Variants in TXNRD1 observed in about 807,000 individuals in gnomAD.
TXNRD1 encodes thioredoxin reductase 1, cytoplasmic.
TXNRD1 carries 57 observed loss-of-function variants against 80.3 expected under a neutral mutation model. That is an observed-to-expected ratio of 0.71 (90% confidence interval 0.57 to 0.89). The LOEUF (loss-of-function observed/expected upper bound fraction) is 0.89. TXNRD1 is among the 40% of genes least tolerant of loss of function. The probability of loss-of-function intolerance (pLI) is 0.00; values close to 1 mark genes in which losing one functional copy is unlikely to be tolerated. For synonymous variants in TXNRD1, 291 were observed against 285.2 expected (o/e 1.02, Z -0.20); for missense variants, 730 against 803.0 (o/e 0.91, Z 1.10).
chr12:104,288,590 T>C (rs1298472569), intron 3 of TXNRD1: 1 of 376,954 alleles, frequency 2.7e-6, no homozygotes, highest in East Asian at 7.0e-5. Flanking sequence ...AGCTTCTTTT[T>C]TGAAGCTTTT....
At chr12:104,246,549 A>C (rs1290810562) in intron 1 of TXNRD1, among the ~76,000 whole-genome samples, 1 of 143,430 alleles carries the variant, frequency 7.0e-6, no homozygotes, top group African/African-American at 2.6e-5. Flanking sequence ...TTTGAGATGC[A>C]GTCTCGCTCT....
intron 14 of TXNRD1, among the ~76,000 whole-genome samples, chr12:104,333,974 C>G (rs2036048182): frequency 6.6e-6 from 1 of 152,006 alleles, no homozygotes; most frequent in South Asian, 2.1e-4. Context: ...CTGTCATTCC[C>G]TTGCTCTTTT....
chr12:104,320,958 G>A (rs1161875647), intron 9 of TXNRD1, 133 bp from the exon 10 acceptor site: 2 of 680,656 alleles, frequency 2.9e-6, no homozygotes, highest in Admixed American at 2.8e-5. Context: ...TGTATTATGT[G>A]TGTAGCTAGT....
At chr12:104,238,546 G>A (rs374215222) in intron 1 of TXNRD1, among the ~76,000 whole-genome samples, 7 of 152,244 alleles carry the variant, frequency 4.6e-5, no homozygotes, top group African/African-American at 9.6e-5. Flanking sequence ...CCTTTATCAG[G>A]TAGAAAAGTT....
intron 3 of TXNRD1, among the ~76,000 whole-genome samples, chr12:104,286,324 A>G (rs2033970355): frequency 6.6e-6 from 1 of 152,232 alleles, no homozygotes; most frequent in Non-Finnish European, 1.5e-5. Context: ...GGCTGGGTGC[A>G]GCTGGAGTTA....
chr12:104,286,586 G>GTTTT, intron 3 of TXNRD1: 1 of 314,054 alleles, frequency 3.2e-6, no homozygotes, highest in African/African-American at 2.4e-5. Flanking sequence ...CACCTTTGGA[G>GTTTT]TTTTTTTTTT....
At chr12:104,271,941 G>C (rs2033660937) in intron 3 of TXNRD1, among the ~76,000 whole-genome samples, 1 of 151,956 alleles carries the variant, frequency 6.6e-6, no homozygotes, top group Non-Finnish European at 1.5e-5. Context: ...AAGCATTTAG[G>C]GCCAGGCGCG....
chr12:104,265,893 GAA>G (rs34390973), intron 3 of TXNRD1: 138,260 of 553,802 alleles, frequency 0.25, 3,754 homozygotes, highest in Non-Finnish European at 0.28. Context: ...CGCCCCGGTG[GAA>G]AAAAAAAAAA....
At chr12:104,333,642 A>G (rs2036037281) in intron 14 of TXNRD1, among the ~76,000 whole-genome samples, 1 of 150,410 alleles carries the variant, frequency 6.6e-6, no homozygotes, top group South Asian at 2.1e-4. Context: ...CAGCTGGAGG[A>G]AAAAAAAAAT....
At position 104,287,963 on chromosome 12, in the gene TXNRD1, CTTTGTTT is replaced by C. The variant is rs537758940; in HGVS notation, c.305-954_305-948del. Among the ~76,000 whole-genome samples the C allele has an allele frequency of 3.6e-3, 542 of 152,198 alleles. 5 individuals are homozygous for C. The highest frequency in any genetic ancestry group is 0.012 in the African/African-American group (505 of 41,526). On this transcript the variant is annotated intron_variant, in intron 3 of 16. Coordinates refer to ENST00000525566, the MANE Select transcript of TXNRD1 (RefSeq NM_001093771.3). ...CTATTATTACAATTAAGCAGCTATA[CTTTGTTT>C]TTTGTTTTTTGTTGGTTTTTTTTGT...
chr12:104,271,183 C>CTTTTTT (rs1165430972), intron 3 of TXNRD1, among the ~76,000 whole-genome samples: 9 of 127,352 alleles, frequency 7.1e-5, no homozygotes, highest in Admixed American at 1.7e-4. Context: ...TTAGTTCTTT[C>CTTTTTT]TTTTTTTTTT....
chr12:104,315,233 C>A (rs1238047678), intron 6 of TXNRD1, among the ~76,000 whole-genome samples: 1 of 152,210 alleles, frequency 6.6e-6, no homozygotes, highest in East Asian at 1.9e-4. Flanking sequence ...GCATTTAATA[C>A]ACCTAACCTC....
chr12:104,235,531 G>C (rs1338967492), intron 1 of TXNRD1, among the ~76,000 whole-genome samples: 2 of 152,228 alleles, frequency 1.3e-5, no homozygotes, highest in Non-Finnish European at 2.9e-5. Flanking sequence ...AGGTTTACCA[G>C]TCGGGCTTTT....
intron 1 of TXNRD1, among the ~76,000 whole-genome samples, chr12:104,219,923 GGGAA>G (rs2032312275): frequency 2.0e-5 from 3 of 152,128 alleles, no homozygotes; most frequent in Admixed American, 6.5e-5. Context: ...ATTACATGCT[GGGAA>G]TGTGTAGATT....
intron 1 of TXNRD1, among the ~76,000 whole-genome samples, chr12:104,218,501 T>C (rs1461739418): frequency 6.6e-6 from 1 of 152,212 alleles, no homozygotes; most frequent in Non-Finnish European, 1.5e-5. Flanking sequence ...CTCTGATTTC[T>C]AACAGCATAG....
chr12:104,335,095 ATT>A (rs368999223), intron 15 of TXNRD1, among the ~76,000 whole-genome samples: 5 of 152,042 alleles, frequency 3.3e-5, no homozygotes, highest in Non-Finnish European at 7.4e-5. Context: ...AATCTAATGT[ATT>A]TTAAGTGCTT....
At chr12:104,309,670 G>T in intron 4 of TXNRD1, 1 of 910,230 alleles carries the variant, frequency 1.1e-6, no homozygotes, top group South Asian at 1.7e-5. Flanking sequence ...TGCTCTTTGA[G>T]ACCCAGTAGG....
intron 1 of TXNRD1, among the ~76,000 whole-genome samples, chr12:104,239,172 G>A (rs980824816): frequency 4.7e-5 from 7 of 148,998 alleles, no homozygotes; most frequent in African/African-American, 1.7e-4. Flanking sequence ...AATCATCTGA[G>A]CCTGGGCTTT....
chr12:104,327,860 A>T (rs561871432), intron 13 of TXNRD1, among the ~76,000 whole-genome samples, 189 bp downstream of exon 13: 1 of 151,232 alleles, frequency 6.6e-6, no homozygotes, highest in African/African-American at 2.4e-5. Context: ...TTGTGACTTT[A>T]TTATGAAGAT....
Sources: allele counts gnomAD v4.1 joint callset (sites outside exome capture counted in the v4.1 genomes callset), GRCh38; gene constraint gnomAD v4.1.1; transcripts MANE v1.5; gene names NCBI Gene and HGNC (gene_info 2026-07-23, HGNC 2026-07-21).